FHOD3: variants seen among roughly 807,000 people sequenced by gnomAD.
The protein encoded by FHOD3 is FH1/FH2 domain-containing protein 3.
In FHOD3, 90 loss-of-function variants were observed where a neutral mutation model predicts 173.0. The ratio of observed to expected loss-of-function variants is 0.52; its 90% CI spans 0.44 to 0.62. The LOEUF is 0.62. Among genes scored for constraint, FHOD3 ranks in the 20% least tolerant of loss-of-function variants. FHOD3 has a pLI of 0.00. For missense variants in FHOD3, 1,945 were observed against 2,034.7 expected (o/e 0.96, Z 0.85); for synonymous variants, 828 against 823.0 (o/e 1.01, Z -0.10).
intron 17 of FHOD3, among the ~76,000 whole-genome samples, chr18:36,698,177 G>A (rs2039392285): frequency 1.3e-5 from 2 of 152,148 alleles, no homozygotes; most frequent in African/African-American, 4.8e-5. Flanking sequence ...CCTGACTGCT[G>A]CTACTTGATA....
At chr18:36,708,756 G>A (rs1361912554) in intron 17 of FHOD3, among the ~76,000 whole-genome samples, 1 of 152,220 alleles carries the variant, frequency 6.6e-6, no homozygotes, top group Non-Finnish European at 1.5e-5. Flanking sequence ...TCAAGCAGCA[G>A]TGATGTGGCA....
chr18:36,639,265 G>A (rs914372240), intron 10 of FHOD3, among the ~76,000 whole-genome samples: 49 of 152,256 alleles, frequency 3.2e-4, no homozygotes, highest in African/African-American at 6.0e-4. Context: ...AATATTGGCC[G>A]GCGTGGTGGC....
intron 1 of FHOD3, among the ~76,000 whole-genome samples, chr18:36,338,570 A>G (rs971266828): frequency 6.6e-6 from 1 of 152,180 alleles, no homozygotes; most frequent in African/African-American, 2.4e-5. Flanking sequence ...GGCTGGCCCA[A>G]TATTCTGCTG....
chr18:36,630,853 T>C (rs2034462509), intron 10 of FHOD3, among the ~76,000 whole-genome samples: 1 of 152,244 alleles, frequency 6.6e-6, no homozygotes, highest in African/African-American at 2.4e-5. Flanking sequence ...AATTGACTAA[T>C]GTATGTTTCA....
chr18:36,562,368 A>G (rs1212003056), intron 5 of FHOD3, among the ~76,000 whole-genome samples: 1 of 152,238 alleles, frequency 6.6e-6, no homozygotes, highest in Non-Finnish European at 1.5e-5. Flanking sequence ...ATAGAGGTCT[A>G]TAATAAAGGA....
At position 36,537,140 on chromosome 18, in the gene FHOD3, T is replaced by C. The variant is rs115110798; in HGVS notation, c.511+24597T>C. ...TCAGGTGTAGCTTCCAGGTAGTCAGTATGGCCTGTCTCCACTCCAAACAGG... is the reference window on the plus strand; with the variant it reads ...TCAGGTGTAGCTTCCAGGTAGTCAGCATGGCCTGTCTCCACTCCAAACAGG... On this transcript the variant is annotated intron_variant, in intron 5 of 28. Transcript: ENST00000590592. Among the ~76,000 whole-genome samples, 1,521 of 152,254 alleles carry C rather than the reference T, an allele frequency of 1.0e-2. 20 individuals are homozygous for C. Among genetic ancestry groups the C allele is most frequent in the African/African-American group, 0.034 (1,423 of 41,542 alleles).
intron 20 of FHOD3, among the ~76,000 whole-genome samples, chr18:36,731,726 T>C (rs529634326): frequency 2.5e-4 from 38 of 152,138 alleles, no homozygotes; most frequent in African/African-American, 8.9e-4. Flanking sequence ...TATAGAAAAG[T>C]TGAGAGTGAG....
chr18:36,554,388 A>G (rs1001417334), intron 5 of FHOD3, among the ~76,000 whole-genome samples: 13 of 152,006 alleles, frequency 8.6e-5, no homozygotes, highest in Admixed American at 4.6e-4. Flanking sequence ...TCGCAAGGAC[A>G]AAAAACCAAA....
At chr18:36,529,936 A>G (rs951942371) in intron 5 of FHOD3, among the ~76,000 whole-genome samples, 1 of 151,966 alleles carries the variant, frequency 6.6e-6, no homozygotes, top group Non-Finnish European at 1.5e-5. Flanking sequence ...TGGTAGCGAC[A>G]GGCTCTGTGA....
intron 16 of FHOD3, among the ~76,000 whole-genome samples, chr18:36,688,565 A>T (rs1398096947): frequency 1.3e-5 from 2 of 152,242 alleles, no homozygotes; most frequent in Non-Finnish European, 2.9e-5. Flanking sequence ...TATATTTCTC[A>T]CTAGTACCTG....
rs1298897588 is a variant in FHOD3 at position 36,740,702 on chromosome 18, A to G, written c.3623A>G (p.Gln1208Arg). The change falls in exon 21 of 29, where the codon CAG becomes CGG. Residue 1208 changes from glutamine (Q) to arginine (R), a missense_variant. This residue lies in a region of FHOD3 where 231 missense variants were observed against 321.9 expected (regional missense o/e 0.72). Transcript: ENST00000590592. ...IPTDEEKQKI[Q>R]EAQLANPEIP... ...ACCGATGAGGAGAAGCAGAAAATCCAGGAAGCTCAGCTGGCCAACCCTGAA... is the reference window on the plus strand; with the variant it reads ...ACCGATGAGGAGAAGCAGAAAATCCGGGAAGCTCAGCTGGCCAACCCTGAA... The G allele has an allele frequency of 6.2e-7, 1 of 1,613,964 alleles. No individual in the cohort carries two copies.
intron 10 of FHOD3, among the ~76,000 whole-genome samples, chr18:36,643,343 T>A (rs2035464920): frequency 6.6e-6 from 1 of 151,984 alleles, no homozygotes; most frequent in African/African-American, 2.4e-5. Context: ...AGCATGCTTG[T>A]GTCAGCCCAC....
At chr18:36,663,139 T>G (rs929069319) in intron 14 of FHOD3, among the ~76,000 whole-genome samples, 1 of 152,240 alleles carries the variant, frequency 6.6e-6, no homozygotes, top group African/African-American at 2.4e-5. Flanking sequence ...TTCTCCTGGT[T>G]TCTTCTAGTA....
At chr18:36,378,742 C>T (rs993755751) in intron 3 of FHOD3, among the ~76,000 whole-genome samples, 2 of 152,060 alleles carry the variant, frequency 1.3e-5, no homozygotes, top group African/African-American at 4.8e-5. Context: ...AGTGCAGTGG[C>T]GTGATCTCAG....
chr18:36,432,041 T>G (rs2041748731), intron 3 of FHOD3, among the ~76,000 whole-genome samples: 1 of 152,218 alleles, frequency 6.6e-6, no homozygotes, highest in Non-Finnish European at 1.5e-5. Flanking sequence ...TTTGAGCATT[T>G]CTGCTTTTCA....
At chr18:36,736,682 C>A (rs573006349) in intron 20 of FHOD3, among the ~76,000 whole-genome samples, 29 of 152,314 alleles carry the variant, frequency 1.9e-4, no homozygotes, top group African/African-American at 6.5e-4. Context: ...CTCTTCTCCC[C>A]TTCTCTGCTC....
Position 36,512,515 on chromosome 18 carries a change from T to G in FHOD3, c.483T>G (p.Asp161Glu). Reference sequence around the variant, plus strand: ...TGATCAAGGTGGGAGCTGAGGCTGATCAGAACTATCAGAACTACATCTTAA... The same window carrying G: ...TGATCAAGGTGGGAGCTGAGGCTGAGCAGAACTATCAGAACTACATCTTAA... ...TCLIKVGAEA[D>E]QNYQNYILRA... The change falls in exon 5 of 29, where the codon GAT (aspartate) becomes GAG (glutamate). Residue 161 changes from aspartate (D) to glutamate (E), a missense_variant. By Grantham distance (45) the Asp-to-Glu change is conservative. This residue lies in a region of FHOD3 where 245 missense variants were observed against 267.7 expected (regional missense o/e 0.92). Coordinates refer to ENST00000590592, the MANE Select transcript of FHOD3 (RefSeq NM_001281740.3). 6.2e-7 allele frequency: 1 copy of G among 1,613,874 alleles called. No homozygotes were observed. Among genetic ancestry groups the G allele is most frequent in the East Asian group, 2.2e-5 (1 of 44,866 alleles).
At chr18:36,640,538 T>C (rs943048168) in intron 10 of FHOD3, among the ~76,000 whole-genome samples, 3 of 152,222 alleles carry the variant, frequency 2.0e-5, no homozygotes, top group African/African-American at 7.2e-5. Flanking sequence ...TGGAGGGCCA[T>C]GTTCTTTACC....
Position 36,384,532 on chromosome 18 carries a change from T to G in FHOD3, c.337+11788T>G, listed in dbSNP as rs550603834. The stretch of plus-strand genomic sequence containing the variant: ...TTGCAGTGAGTTGATATCATGCCAT[T>G]GCACTCCAGCCTAGGCAACAAGAGC... On this transcript the variant is annotated intron_variant, in intron 3 of 28. Coordinates refer to ENST00000590592, the MANE Select transcript of FHOD3 (RefSeq NM_001281740.3). 2.4e-4 allele frequency among the ~76,000 whole-genome samples: 35 copies of G among 148,454 alleles called. No homozygotes were observed. The South Asian group carries it at 7.0e-3, about 30-fold the overall frequency.
Sources: allele counts gnomAD v4.1 joint callset (sites outside exome capture counted in the v4.1 genomes callset), GRCh38; gene constraint gnomAD v4.1.1; regional missense constraint gnomAD v4.1.1; transcripts MANE v1.5; gene names NCBI Gene and HGNC (gene_info 2026-07-23, HGNC 2026-07-21).